The following GPC5 variants were observed in gnomAD, a reference collection of about 807,000 sequenced individuals.
GPC5 encodes glypican-5.
Under a neutral mutation model 53.9 loss-of-function variants are expected in GPC5, and 47 were observed. The observed-to-expected ratio is 0.87, with a 90% CI of 0.69 to 1.11. The LOEUF (loss-of-function observed/expected upper bound fraction) is 1.11, where lower values mean the gene tolerates loss of function less well. Among genes scored for constraint, GPC5 ranks in the 50% most tolerant of loss-of-function variants. The pLI is 0.00. For missense variants in GPC5, 748 were observed against 713.1 expected (o/e 1.05, Z -0.56); for synonymous variants, 286 against 263.3 (o/e 1.09, Z -0.84).
At chr13:92,655,167 G>A (rs991373252) in intron 7 of GPC5, among the ~76,000 whole-genome samples, 24 of 152,116 alleles carry the variant, frequency 1.6e-4, no homozygotes, top group African/African-American at 5.3e-4. Flanking sequence ...GTTGTTTGAA[G>A]TCACCAAGTT....
intron 7 of GPC5, among the ~76,000 whole-genome samples, chr13:92,352,002 T>C (rs1358583735): frequency 6.6e-6 from 1 of 152,122 alleles, no homozygotes; most frequent in Admixed American, 6.6e-5. Flanking sequence ...ACAAAGAATA[T>C]ATAAGATGCT....
chr13:92,711,368 C>G (rs890547094), intron 7 of GPC5, among the ~76,000 whole-genome samples: 3 of 152,092 alleles, frequency 2.0e-5, no homozygotes, highest in Non-Finnish European at 4.4e-5. Flanking sequence ...GGTTGGTACA[C>G]TAAAGTGTTG....
chr13:92,419,546 T>C (rs1876468375), intron 7 of GPC5, among the ~76,000 whole-genome samples: 1 of 152,194 alleles, frequency 6.6e-6, no homozygotes, highest in African/African-American at 2.4e-5. Flanking sequence ...GTGAATTGAA[T>C]ACTGTCAAAC....
At chr13:91,820,167 C>A (rs1050407452) in intron 5 of GPC5, among the ~76,000 whole-genome samples, 17 of 151,722 alleles carry the variant, frequency 1.1e-4, no homozygotes, top group African/African-American at 4.1e-4. Context: ...AAAATATATT[C>A]TCTTACATTA....
At chr13:92,787,243 AGAT>A (rs2138769391) in intron 7 of GPC5, among the ~76,000 whole-genome samples, 1 of 152,248 alleles carries the variant, frequency 6.6e-6, no homozygotes, top group East Asian at 1.9e-4. Flanking sequence ...CCAAAATGGA[AGAT>A]GATAGAGGAA....
intron 7 of GPC5, among the ~76,000 whole-genome samples, chr13:92,288,640 T>A (rs1386631475): frequency 6.6e-6 from 1 of 152,204 alleles, no homozygotes; most frequent in Non-Finnish European, 1.5e-5. Context: ...CAGTAGTTGA[T>A]TCTGACAGTC....
At chr13:92,203,753 A>AG (rs1308383554) in intron 7 of GPC5, among the ~76,000 whole-genome samples, 2 of 105,090 alleles carry the variant, frequency 1.9e-5, no homozygotes, top group African/African-American at 7.2e-5. Context: ...AAAACTTACT[A>AG]GGAAAAAAAA....
intron 7 of GPC5, among the ~76,000 whole-genome samples, chr13:92,864,932 T>C (rs192666446): frequency 9.2e-5 from 14 of 152,296 alleles, no homozygotes; most frequent in African/African-American, 2.9e-4. Flanking sequence ...TTTCAATCTC[T>C]CTGTAATTAC....
intron 5 of GPC5, among the ~76,000 whole-genome samples, chr13:91,821,488 A>G (rs1454991458): frequency 1.3e-5 from 2 of 152,178 alleles, no homozygotes; most frequent in African/African-American, 2.4e-5. Flanking sequence ...AATGTTGAAT[A>G]AAAGTGGAGA....
intron 1 of GPC5, among the ~76,000 whole-genome samples, chr13:91,420,976 AAAT>A (rs753069934): frequency 6.6e-6 from 1 of 152,156 alleles, no homozygotes; most frequent in Non-Finnish European, 1.5e-5. Context: ...CTCCCCCTCA[AAAT>A]AATGTGTGAA....
intron 5 of GPC5, among the ~76,000 whole-genome samples, chr13:91,844,154 T>G (rs1023781177): frequency 3.3e-5 from 5 of 152,112 alleles, no homozygotes; most frequent in Non-Finnish European, 7.3e-5. Context: ...AAGGGATGTA[T>G]GGAAAATGAT....
At chr13:91,995,738 G>C (rs929158116) in intron 6 of GPC5, 7 of 152,096 alleles carry the variant, frequency 4.6e-5, no homozygotes, top group African/African-American at 1.7e-4. Flanking sequence ...TTTTATACAA[G>C]TTAGCTCATT....
chr13:91,949,420 C>T (rs992259779), intron 6 of GPC5, among the ~76,000 whole-genome samples: 3 of 151,986 alleles, frequency 2.0e-5, no homozygotes, highest in Non-Finnish European at 4.4e-5. Context: ...AAAAGGAAAG[C>T]AACAATTCTA....
intron 7 of GPC5, among the ~76,000 whole-genome samples, chr13:92,322,293 A>G (rs1236811181): frequency 6.6e-6 from 1 of 152,044 alleles, no homozygotes. Context: ...AAGTTCACAA[A>G]CTGTGAGCTA....
intron 7 of GPC5, among the ~76,000 whole-genome samples, chr13:92,395,907 G>GTTT (rs71123404): frequency 7.7e-6 from 1 of 130,662 alleles, no homozygotes; most frequent in Admixed American, 7.6e-5. Flanking sequence ...GTTTGTTTCT[G>GTTT]TTTTTTTTTT....
chr13:92,582,197 A>T (rs537115635), intron 7 of GPC5, among the ~76,000 whole-genome samples: 1 of 152,236 alleles, frequency 6.6e-6, no homozygotes, highest in East Asian at 1.9e-4. Flanking sequence ...TTAAGTCTTT[A>T]ATCCATTTCG....
chr13:92,189,961 T>C (rs1022284707), intron 7 of GPC5, among the ~76,000 whole-genome samples: 11 of 152,052 alleles, frequency 7.2e-5, no homozygotes, highest in African/African-American at 2.7e-4. Flanking sequence ...CTGACAATTT[T>C]CCCAAATTCA....
intron 1 of GPC5, among the ~76,000 whole-genome samples, chr13:91,436,737 A>G (rs1449268742): frequency 6.6e-6 from 1 of 152,154 alleles, no homozygotes; most frequent in Non-Finnish European, 1.5e-5. Context: ...GTTCCTGGAT[A>G]TCCTTATTAA....
intron 7 of GPC5, among the ~76,000 whole-genome samples, chr13:92,166,947 C>CTCTA (rs1555315974): frequency 3.7e-4 from 22 of 60,068 alleles, no homozygotes; most frequent in African/African-American, 1.1e-3. Context: ...CTCTCTCTCT[C>CTCTA]TCTCTCTCTC....
Sources: allele counts gnomAD v4.1 joint callset (sites outside exome capture counted in the v4.1 genomes callset), GRCh38; gene constraint gnomAD v4.1.1; transcripts MANE v1.5; gene names NCBI Gene and HGNC (gene_info 2026-07-23, HGNC 2026-07-21).